The following ZNF268 variants were observed in gnomAD, a reference collection of about 807,000 sequenced individuals.
The protein encoded by ZNF268 is zinc finger protein 3.
Under a neutral mutation model 29.3 loss-of-function variants are expected in ZNF268, and 20 were observed. The observed-to-expected ratio is 0.68, with a 90% confidence interval of 0.48 to 0.99. ZNF268 has a LOEUF of 0.99. Among genes scored for constraint, ZNF268 ranks in the 50% least tolerant of loss-of-function variants. ZNF268 has a pLI of 0.00. For synonymous variants in ZNF268, 429 were observed against 376.9 expected, an observed-to-expected ratio of 1.14 and a Z score of -1.60; for missense variants, 1,240 against 1,121.6, an observed-to-expected ratio of 1.11 and a Z score of -1.51.
chr12:133,202,753 G>T lies in ZNF268; in HGVS notation c.1067G>T (p.Gly356Val), dbSNP rs1236739602. The T allele has an allele frequency of 1.2e-6, 2 of 1,611,736 alleles. No individual in the cohort carries two copies. The highest frequency in any genetic ancestry group is 1.3e-5 in the African/African-American group (1 of 75,004). The change falls in exon 6 of 6, where the codon GGT becomes GTT. Residue 356 changes from glycine (G) to valine (V), a missense_variant. Physicochemically the swap from Gly to Val is moderately radical, Grantham distance 109 (BLOSUM62 -3). Transcript: ENST00000536435. ...GTTATACATCAGAGAATTCACACAG[G>T]TGAGAATCCCTATGAGTGCTGTGAA... is the stretch of plus-strand genomic sequence containing the variant. ...QLVIHQRIHT[G>V]ENPYECCECG...
chr12:133,201,097 A>T (rs1292674716), intron 5 of ZNF268, among the ~76,000 whole-genome samples: 1 of 152,002 alleles, frequency 6.6e-6, no homozygotes, highest in African/African-American at 2.4e-5. Flanking sequence ...TTTTGTTTCT[A>T]AATTTGTATT....
At chr12:133,185,181 CTCAAAAAAAAAAAAA>C in intron 2 of ZNF268, among the ~76,000 whole-genome samples, 1 of 125,560 alleles carries the variant, frequency 8.0e-6, no homozygotes, top group Middle Eastern at 4.1e-3. Flanking sequence ...GAGACTCTGT[CTCAAAAAAAAAAAAA>C]AAAACAAAGA....
intron 1 of ZNF268, 129 bp from the exon 2 acceptor site, chr12:133,181,817 A>G: frequency 1.5e-6 from 1 of 651,766 alleles, no homozygotes; most frequent in Non-Finnish European, 2.7e-6. Context: ...GAGATGGTGA[A>G]TCCCGTGCTG....
chr12:133,185,497 G>C (rs10870588), intron 2 of ZNF268, among the ~76,000 whole-genome samples: 42,588 of 118,852 alleles, frequency 0.36, 9,388 homozygotes, highest in Non-Finnish European at 0.44. Flanking sequence ...CAGATGAACA[G>C]AGGTGCAGAG....
At position 133,203,205 on chromosome 12, in the gene ZNF268, A is replaced by G. The variant is rs781614037; in HGVS notation, c.1519A>G (p.Lys507Glu). 5.9e-6 allele frequency: 9 copies of G among 1,538,012 alleles called. No individual in the cohort carries two copies. Among genetic ancestry groups the G allele is most frequent in the Non-Finnish European group, 7.8e-6 (9 of 1,146,868 alleles). The part of the protein sequence containing the change: ...MKPYVCNECG[K>E]AFRSKSYLII... The stretch of plus-strand genomic sequence containing the variant: ...ACCTTATGTATGCAATGAATGTGGC[A>G]AAGCCTTCAGGAGCAAGTCATACCT... The change falls in exon 6 of 6, where the codon AAA (lysine) becomes GAA (glutamate). Residue 507 changes from lysine to glutamate, a missense_variant. Physicochemically the swap from Lys to Glu is moderately conservative, Grantham distance 56. Coordinates refer to ENST00000536435, the MANE Select transcript of ZNF268 (RefSeq NM_003415.3).
At chr12:133,198,252 T>C (rs1312509153) in intron 5 of ZNF268, among the ~76,000 whole-genome samples, 2 of 150,274 alleles carry the variant, frequency 1.3e-5, no homozygotes, top group Non-Finnish European at 3.0e-5. Context: ...TTTCTACATA[T>C]GGCTAGCCAG....
rs1204020391 is a variant in ZNF268 at position 133,209,332 on chromosome 12, TC to T, written c.*4804del. The T allele has an allele frequency of 6.6e-6, 1 of 152,218 alleles. No individual in the cohort carries two copies. Among genetic ancestry groups the T allele is most frequent in the Admixed American group, 6.5e-5 (1 of 15,282 alleles). 9.4% of individuals were successfully genotyped at this position (152,218 alleles called of 1,614,324 possible). A position where few individuals can be genotyped will look rare whatever the true frequency, so the allele number is the denominator to read the frequency against. On this transcript the variant is annotated 3_prime_UTR_variant, in exon 6 of 6. Coordinates refer to ENST00000536435, the MANE Select transcript of ZNF268 (RefSeq NM_003415.3). Reference sequence around the variant, plus strand: ...CATGTTTTCCAGTCTGGTTTCAAACTCCTGGGCTCAAGCAGTCCACCTGCCT... The same window carrying T: ...CATGTTTTCCAGTCTGGTTTCAAACTCTGGGCTCAAGCAGTCCACCTGCCT...
chr12:133,188,941 A>T (rs902080936), intron 3 of ZNF268, among the ~76,000 whole-genome samples: 1 of 151,804 alleles, frequency 6.6e-6, no homozygotes, highest in African/African-American at 2.4e-5. Flanking sequence ...ATTGCTAATG[A>T]TTTTTGTGTC....
At chr12:133,196,524 G>A (rs185869691) in intron 5 of ZNF268, among the ~76,000 whole-genome samples, 2 of 152,224 alleles carry the variant, frequency 1.3e-5, no homozygotes, top group Admixed American at 1.3e-4. Context: ...GATAAGGATG[G>A]GTGTGTTACC....
chr12:133,202,600 G>T lies in ZNF268; in HGVS notation c.914G>T (p.Gly305Val). Reference sequence around the variant, plus strand: ...ACTCATGCCGAAGAGAAACCCTATGGTTGTAATGAATGTGGGAAAGACTTC... The same window carrying T: ...ACTCATGCCGAAGAGAAACCCTATGTTTGTAATGAATGTGGGAAAGACTTC... Reference protein sequence around the residue: ...QQTHAEEKPYGCNECGKDFSS... With the variant: ...QQTHAEEKPYVCNECGKDFSS... The change falls in exon 6 of 6, where the codon GGT becomes GTT. Residue 305 changes from glycine to valine, a missense_variant. Physicochemically the swap from Gly to Val is moderately radical, Grantham distance 109 (BLOSUM62 -3). Coordinates refer to ENST00000536435, the MANE Select transcript of ZNF268 (RefSeq NM_003415.3). 1 of 1,606,128 alleles carries T rather than the reference G, an allele frequency of 6.2e-7. No homozygotes were observed.
At chr12:133,184,540 A>G in intron 2 of ZNF268, 1 of 231,654 alleles carries the variant, frequency 4.3e-6, no homozygotes, top group Non-Finnish European at 9.6e-6. Flanking sequence ...CCTCTTTAAG[A>G]GGGTATTAAT....
At chr12:133,198,880 G>T (rs940234949) in intron 5 of ZNF268, among the ~76,000 whole-genome samples, 1 of 148,220 alleles carries the variant, frequency 6.7e-6, no homozygotes, top group South Asian at 2.2e-4. Flanking sequence ...TTTGTACATT[G>T]ATTTTGTATC....
At chr12:133,193,392 G>A (rs1010896721) in intron 5 of ZNF268, 2 of 624,070 alleles carry the variant, frequency 3.2e-6, no homozygotes, top group Admixed American at 2.7e-5. Flanking sequence ...TATAGACTAG[G>A]TAATTTTATA....
chr12:133,188,236 G>T, intron 3 of ZNF268, 164 bp downstream of exon 3: 2 of 634,836 alleles, frequency 3.2e-6, no homozygotes, highest in East Asian at 2.8e-5. Flanking sequence ...TTGGTCTGTT[G>T]CCCAGAGTGG....
rs1956846740 is a variant in ZNF268 at position 133,204,387 on chromosome 12, T to C, written c.2701T>C (p.Phe901Leu). 6.4e-7 allele frequency: 1 copy of C among 1,571,626 alleles called. No homozygotes were observed. The highest frequency in any genetic ancestry group is 8.6e-7 in the Non-Finnish European group (1 of 1,162,930). The stretch of plus-strand genomic sequence containing the variant: ...TGGGTGCAATGAATGTGGGAAAACC[T>C]TCTCTCAAAAATCAATTCTCAGTGC... ...PYGCNECGKT[F>L]SQKSILSAHQ... Residue 901 changes from phenylalanine to leucine, a missense_variant, in exon 6 of 6, where the codon TTC becomes CTC. Transcript: ENST00000536435.
Position 133,185,958 on chromosome 12 carries a change from G to A in ZNF268, c.34-1914G>A, listed in dbSNP as rs755030301. 3.3e-5 allele frequency among the ~76,000 whole-genome samples: 5 copies of A among 152,152 alleles called. No homozygotes were observed. In the East Asian group the frequency reaches 5.8e-4, roughly 18 times the overall value. On this transcript the variant is annotated intron_variant, in intron 2 of 5. Coordinates refer to ENST00000536435, the MANE Select transcript of ZNF268 (RefSeq NM_003415.3). ...TATTCCTGGTTTTATGTTTTGTTTT[G>A]TTTTCTTTTGCCGTTTCAACCAAAT...
At position 133,188,016 on chromosome 12, in the gene ZNF268, A is replaced by G. The variant is rs1000878073; in HGVS notation, c.178A>G (p.Lys60Glu). The G allele has an allele frequency of 6.3e-7, 1 of 1,596,380 alleles. No individual in the cohort carries two copies. Among genetic ancestry groups the G allele is most frequent in the Non-Finnish European group, 8.5e-7 (1 of 1,171,074 alleles). The change falls in exon 3 of 6, where the codon AAA becomes GAA. Residue 60 changes from lysine (K) to glutamate (E), a missense_variant. Lys to Glu is a moderately conservative substitution (Grantham distance 56). Transcript: ENST00000536435. ...RQKQKSRRIE[K>E]VLEWLFISQE... ...GAAGCAGAAGAGTCGCAGAATAGAGAAAGTCCTAGAGTGGCTGTTTATTTC... is the reference window on the plus strand; with the variant it reads ...GAAGCAGAAGAGTCGCAGAATAGAGGAAGTCCTAGAGTGGCTGTTTATTTC...
intron 3 of ZNF268, among the ~76,000 whole-genome samples, chr12:133,191,286 C>T (rs1192607899): frequency 1.3e-5 from 2 of 151,000 alleles, no homozygotes; most frequent in East Asian, 1.9e-4. Flanking sequence ...CACTGCACTC[C>T]ATCCTGGGCA....
rs373015628 is a variant in ZNF268 at position 133,202,503 on chromosome 12, G to A, written c.817G>A (p.Glu273Lys). ...QLMCQQMYMG[E>K]KPFGCSCCEK... ...TATGTGCCAACAAATGTATATGGGCGAAAAACCCTTTGGATGCAGCTGTTG... is the reference window on the plus strand; with the variant it reads ...TATGTGCCAACAAATGTATATGGGCAAAAAACCCTTTGGATGCAGCTGTTG... The change falls in exon 6 of 6, where the codon GAA becomes AAA. Residue 273 changes from glutamate to lysine, a missense_variant. Glu to Lys is a moderately conservative substitution (Grantham distance 56). This residue lies in a region of ZNF268 where 1,177 missense variants were observed against 1,039.6 expected (regional missense o/e 1.13). Coordinates refer to ENST00000536435, the MANE Select transcript of ZNF268 (RefSeq NM_003415.3). 179 of 1,612,120 alleles carry A rather than the reference G, an allele frequency of 1.1e-4. 1 individual carries two copies. Among genetic ancestry groups the A allele is most frequent in the Admixed American group, 8.4e-5 (5 of 59,640 alleles).
Sources: gnomAD v4.1 joint callset for allele counts (sites outside exome capture counted in the v4.1 genomes callset) on GRCh38, gnomAD v4.1.1 for gene constraint, gnomAD v4.1.1 regional missense constraint, MANE v1.5 for transcripts, NCBI Gene and HGNC (gene_info 2026-07-23, HGNC 2026-07-21) for gene names.